Variants in CWF19L2 observed in about 807,000 individuals in gnomAD.
CWF19L2 encodes the protein CWF19 like cell cycle control factor 2, also known as CWF19-like protein 2.
In CWF19L2, 98 loss-of-function variants were observed where a neutral mutation model predicts 111.7. The ratio of observed to expected loss-of-function variants is 0.88; its 90% CI spans 0.75 to 1.04. The LOEUF (loss-of-function observed/expected upper bound fraction) is 1.04. Among genes scored for constraint, CWF19L2 ranks in the 50% least tolerant of loss-of-function variants. The pLI is 0.00. For missense variants in CWF19L2, 1,101 were observed against 1,051.4 expected (o/e 1.05, Z -0.65); for synonymous variants, 351 against 342.9 (o/e 1.02, Z -0.26).
chr11:107,403,995 TCTCA>T (rs543184740), intron 10 of CWF19L2: 364 of 812,836 alleles, frequency 4.5e-4, no homozygotes, highest in Non-Finnish European at 6.8e-4. Context: ...GGCACCACAC[TCTCA>T]CTAAGGATTT....
At chr11:107,423,683 T>C (rs1005663774) in intron 8 of CWF19L2, among the ~76,000 whole-genome samples, 1 of 151,898 alleles carries the variant, frequency 6.6e-6, no homozygotes, top group Non-Finnish European at 1.5e-5. Flanking sequence ...CTTTCTGTTA[T>C]TCCAATAGAT....
chr11:107,355,054 A>G (rs762780402), intron 12 of CWF19L2, among the ~76,000 whole-genome samples: 1 of 152,190 alleles, frequency 6.6e-6, no homozygotes, highest in East Asian at 1.9e-4. Flanking sequence ...TAAGTGTAAT[A>G]TAAGTACTAA....
intron 17 of CWF19L2, among the ~76,000 whole-genome samples, chr11:107,328,018 C>T (rs540223915): frequency 6.6e-6 from 1 of 151,284 alleles, no homozygotes; most frequent in South Asian, 2.1e-4. Flanking sequence ...TGAAGACACA[C>T]AGTTGTCTTC....
intron 7 of CWF19L2, among the ~76,000 whole-genome samples, chr11:107,430,744 A>G (rs1861454314): frequency 6.6e-6 from 1 of 152,102 alleles, no homozygotes; most frequent in South Asian, 2.1e-4. Context: ...ATGGAGGTCA[A>G]AGAGTCAGAA....
chr11:107,450,084 G>A (rs1234482580), intron 3 of CWF19L2, among the ~76,000 whole-genome samples: 1 of 151,248 alleles, frequency 6.6e-6, no homozygotes, highest in African/African-American at 2.4e-5. Context: ...GGGTGACAGT[G>A]TGAGACTCCA....
chr11:107,453,461 T>C (rs1454532619), intron 3 of CWF19L2, among the ~76,000 whole-genome samples: 2 of 151,970 alleles, frequency 1.3e-5, no homozygotes, highest in African/African-American at 2.4e-5. Context: ...GACTCCATCT[T>C]GCATCTTGAA....
intron 1 of CWF19L2, among the ~76,000 whole-genome samples, chr11:107,456,038 T>C (rs1044603024): frequency 1.3e-5 from 2 of 152,156 alleles, no homozygotes; most frequent in Non-Finnish European, 2.9e-5. Flanking sequence ...AGGGACTGAG[T>C]CCAGGCCCTC....
intron 10 of CWF19L2, among the ~76,000 whole-genome samples, chr11:107,411,023 A>T (rs953374933): frequency 4.6e-5 from 7 of 151,584 alleles, no homozygotes; most frequent in Non-Finnish European, 8.8e-5. Flanking sequence ...ACAAGAAGTA[A>T]CACAAAAATC....
In CWF19L2 at chr11:107,373,199, C is replaced by A. The variant is rs949536732; in HGVS notation, c.1872+16875G>T. The stretch of plus-strand genomic sequence containing the variant: ...GGCGGCAGCGAGGCTAGGGGAGGGG[C>A]GCCTGCCATTGCCCAGGCTTGCTCA... On this transcript the variant is annotated intron_variant, in intron 12 of 17. Transcript: ENST00000282251. 1.5e-5 allele frequency among the ~76,000 whole-genome samples: 2 copies of A among 129,670 alleles called. 1 individual carries two copies. The highest frequency in any genetic ancestry group is 3.2e-5 in the Non-Finnish European group (2 of 61,994). 85.1% of individuals were successfully genotyped at this position (129,670 alleles called of 152,430 possible).
intron 3 of CWF19L2, among the ~76,000 whole-genome samples, chr11:107,447,212 C>A (rs1352970452): frequency 6.6e-6 from 1 of 152,050 alleles, no homozygotes; most frequent in Non-Finnish European, 1.5e-5. Flanking sequence ...AGAGGGGTAA[C>A]CCAAGCAGAA....
intron 1 of CWF19L2, among the ~76,000 whole-genome samples, chr11:107,457,171 C>T (rs564779981): frequency 2.6e-5 from 4 of 152,234 alleles, no homozygotes; most frequent in African/African-American, 9.6e-5. Context: ...CAATGTTTCG[C>T]GATCTTTTGT....
intron 12 of CWF19L2, among the ~76,000 whole-genome samples, chr11:107,384,142 T>C (rs1263896610): frequency 6.6e-6 from 1 of 152,210 alleles, no homozygotes; most frequent in Admixed American, 6.5e-5. Flanking sequence ...GTTTTATAAA[T>C]TTATATCAAC....
intron 17 of CWF19L2, among the ~76,000 whole-genome samples, chr11:107,328,399 T>A (rs1859794768): frequency 6.6e-6 from 1 of 152,184 alleles, no homozygotes; most frequent in Non-Finnish European, 1.5e-5. Flanking sequence ...ATCTACCATA[T>A]AAGCTTGACT....
intron 6 of CWF19L2, among the ~76,000 whole-genome samples, chr11:107,436,344 A>C (rs563804731): frequency 1.3e-5 from 2 of 152,144 alleles, no homozygotes; most frequent in Non-Finnish European, 2.9e-5. Flanking sequence ...AAATGAAGAA[A>C]CTTCCATCAT....
intron 11 of CWF19L2, 141 bp downstream of exon 11, chr11:107,392,638 A>G: frequency 1.9e-6 from 1 of 531,856 alleles, no homozygotes; most frequent in Non-Finnish European, 3.3e-6. Flanking sequence ...GAATAAAAGT[A>G]GTAACAACAT....
At chr11:107,456,350 T>C (rs1397476666) in intron 1 of CWF19L2, among the ~76,000 whole-genome samples, 1 of 152,202 alleles carries the variant, frequency 6.6e-6, no homozygotes, top group Admixed American at 6.5e-5. Context: ...TTTGGTCCTT[T>C]TCAAATTCTA....
rs1487027481 is a variant in CWF19L2, at chr11:107,362,757, G to A, written c.1873-9021C>T. ...ACAGAAAAACTGGAAACTCTAAAACGCAGAGCGCCTCTCCTCCTCCAAAGG... is the reference window on the plus strand; with the variant it reads ...ACAGAAAAACTGGAAACTCTAAAACACAGAGCGCCTCTCCTCCTCCAAAGG... On this transcript the variant is annotated intron_variant, in intron 12 of 17. Transcript: ENST00000282251. 5.9e-5 allele frequency among the ~76,000 whole-genome samples: 9 copies of A among 151,702 alleles called. No individual in the cohort carries two copies. In the South Asian group the frequency reaches 1.5e-3, roughly 24 times the overall value.
At chr11:107,395,576 C>T (rs7115693) in intron 10 of CWF19L2, among the ~76,000 whole-genome samples, 47 of 152,182 alleles carry the variant, frequency 3.1e-4, no homozygotes, top group African/African-American at 1.1e-3. Flanking sequence ...TGATCCTACA[C>T]CATAGTCTAA....
chr11:107,412,543 G>A (rs778288599), intron 10 of CWF19L2, among the ~76,000 whole-genome samples: 12 of 152,140 alleles, frequency 7.9e-5, no homozygotes, highest in Non-Finnish European at 1.5e-4. Flanking sequence ...GTTTTGCCAT[G>A]TTGGCCAGGC....
Sources: gnomAD v4.1 joint callset for allele counts (sites outside exome capture counted in the v4.1 genomes callset) on GRCh38, gnomAD v4.1.1 for gene constraint, MANE v1.5 for transcripts, NCBI Gene and HGNC (gene_info 2026-07-23, HGNC 2026-07-21) for gene names.